Variants in SP110 observed in about 807,000 individuals in gnomAD.
SP110 encodes SP110 nuclear body protein.
In SP110, 62 loss-of-function variants were observed where a neutral mutation model predicts 92.7. That is an observed-to-expected ratio of 0.67 (90% confidence interval 0.55 to 0.83). The LOEUF is 0.83. Among genes scored for constraint, SP110 ranks in the 40% least tolerant of loss-of-function variants. The pLI is 0.00. For missense variants in SP110, 793 were observed against 863.9 expected (o/e 0.92, Z 1.03); for synonymous variants, 273 against 305.3 (o/e 0.89, Z 1.10).
In SP110 at chr2:230,216,770, A is replaced by G; in HGVS notation, c.147+11T>C. 1 of 1,613,756 alleles carries G rather than the reference A, an allele frequency of 6.2e-7. No homozygotes were observed. The highest frequency in any genetic ancestry group is 8.5e-7 in the Non-Finnish European group (1 of 1,179,834). On this transcript the variant is annotated intron_variant, in intron 2 of 18. Transcript: ENST00000258381. ...GGCTGGGCTGCCATGGAAGGGTTCA[A>G]CATGACTCACCATGTACATTCTCTT...
At chr2:230,179,337 T>TG (rs372569186) in intron 12 of SP110, among the ~76,000 whole-genome samples, 7 of 151,452 alleles carry the variant, frequency 4.6e-5, no homozygotes, top group African/African-American at 1.2e-4. Context: ...TGGAGGGTAG[T>TG]GGGGGTGTGG....
In SP110 at chr2:230,212,913, G is replaced by T. The variant is rs151199258; in HGVS notation, c.431C>A (p.Pro144His). The T allele has an allele frequency of 2.6e-5, 42 of 1,614,086 alleles. No homozygotes were observed. The African/African-American group carries it at 4.9e-4, about 19-fold the overall frequency. Residue 144 changes from proline (P) to histidine (H), a missense_variant, in exon 4 of 19, where the codon CCC becomes CAC. Physicochemically the swap from Pro to His is moderately conservative, Grantham distance 77. Coordinates refer to ENST00000258381, the MANE Select transcript of SP110 (RefSeq NM_080424.4). The part of the protein sequence containing the change: ...HTPLALPPPQ[P>H]PQPSCSPCAP... ...ACAGGGTGAACAGCTTGGTTGAGGG[G>T]GTTGTGGTGGGGGCAGCGCCAGTGG... is the stretch of plus-strand genomic sequence containing the variant.
At chr2:230,189,917 C>T (rs1417959803) in intron 10 of SP110, among the ~76,000 whole-genome samples, 1 of 152,160 alleles carries the variant, frequency 6.6e-6, no homozygotes, top group Non-Finnish European at 1.5e-5. Context: ...TGTATATGTA[C>T]CACATATTCT....
At chr2:230,213,405 T>C (rs2044717816) in intron 3 of SP110, among the ~76,000 whole-genome samples, 1 of 152,220 alleles carries the variant, frequency 6.6e-6, no homozygotes, top group Admixed American at 6.5e-5. Context: ...AATAAACAGA[T>C]CATACTTCCC....
At chr2:230,221,767 G>T, upstream of SP110, 1 of 1,529,192 alleles carries the variant, frequency 6.5e-7, no homozygotes, top group South Asian at 1.2e-5. Context: ...CTGGCAGCAA[G>T]AACTTCTTCC....
chr2:230,180,250 G>A (rs1051222364), intron 12 of SP110, among the ~76,000 whole-genome samples: 2 of 152,172 alleles, frequency 1.3e-5, no homozygotes, highest in Admixed American at 6.5e-5. Flanking sequence ...AAGCCTAATC[G>A]AGATGAGGAA....
chr2:230,172,473 T>A, intron 15 of SP110: 1 of 544,836 alleles, frequency 1.8e-6, no homozygotes, highest in Non-Finnish European at 3.3e-6. Context: ...AGTGTCAGAA[T>A]CTGGGCTTTC....
At chr2:230,224,368 G>A (rs1396729695), upstream of SP110, among the ~76,000 whole-genome samples, 1 of 151,390 alleles carries the variant, frequency 6.6e-6, no homozygotes, top group Non-Finnish European at 1.5e-5. Context: ...ATGGAGACTG[G>A]GAGGAGAGGA....
At position 230,177,683 on chromosome 2, in the gene SP110, G is replaced by A. The variant is rs2041928126; in HGVS notation, c.1448-3C>T. On this transcript the variant is annotated splice_polypyrimidine_tract_variant and splice_region_variant and intron_variant, in intron 13 of 18. Transcript: ENST00000258381. ...CCGAATGCACTTCACTGAGGATCCT[G>A]TAAGAAAAAGCCCATTCTTGGATCT... The A allele has an allele frequency of 6.2e-7, 1 of 1,613,812 alleles. No homozygotes were observed. Among genetic ancestry groups the A allele is most frequent in the Non-Finnish European group, 8.5e-7 (1 of 1,179,924 alleles).
At chr2:230,216,967 T>C (rs1242591755) in intron 1 of SP110, 39 bp from the exon 2 acceptor site, 1 of 1,587,646 alleles carries the variant, frequency 6.3e-7, no homozygotes, top group Non-Finnish European at 8.6e-7. Flanking sequence ...AAGCAAAGGC[T>C]GGGCGCGGTG....
At chr2:230,177,486 T>G (rs1470901939) in intron 14 of SP110, 52 bp downstream of exon 14, 1 of 1,585,506 alleles carries the variant, frequency 6.3e-7, no homozygotes, top group East Asian at 2.2e-5. Context: ...AAAGCTCCAC[T>G]TCTCCTTCAA....
At position 230,212,955 on chromosome 2, in the gene SP110, C is replaced by A. The variant is rs773499847; in HGVS notation, c.389G>T (p.Gly130Val). 6.2e-7 allele frequency: 1 copy of A among 1,614,052 alleles called. No individual in the cohort carries two copies. The highest frequency in any genetic ancestry group is 1.1e-5 in the South Asian group (1 of 91,082). The part of the protein sequence containing the change: ...LLEAPTGLAE[G>V]SSLHTPLALP... ...CGCCAGTGGGGTATGGAGGGAGCTT[C>A]CTTCTGCTAGGCCAGTTGGGGCTTC... The change falls in exon 4 of 19, where the codon GGA becomes GTA. Residue 130 changes from glycine to valine, a missense_variant. Transcript: ENST00000258381.
At position 230,167,998 on chromosome 2, in the gene SP110, T is replaced by C. The variant is rs867635920; in HGVS notation, c.*1126A>G. On this transcript the variant is annotated 3_prime_UTR_variant, in exon 19 of 19. Transcript: ENST00000258381. ...ACTTGCACATGCCTGTAATCCCAGC[T>C]ACTCGGAGGCTGAGGCAGGAGAATC... 4 of 150,196 alleles carry C rather than the reference T, an allele frequency of 2.7e-5. No individual in the cohort carries two copies. The highest frequency in any genetic ancestry group is 4.9e-5 in the African/African-American group (2 of 40,718). 9.3% of individuals were successfully genotyped at this position (150,196 alleles called of 1,614,324 possible). A position where few individuals can be genotyped will look rare whatever the true frequency, so the allele number is the denominator to read the frequency against.
In SP110 at chr2:230,197,175, C is replaced by T. The variant is rs368303483; in HGVS notation, c.1129+3710G>A. On this transcript the variant is annotated intron_variant, in intron 10 of 18. Transcript: ENST00000258381. The stretch of plus-strand genomic sequence containing the variant: ...GTCCCACCAACAGTGTAAAAGTGTT[C>T]CTATTTCTCCACATCCTCTCCAGCA... 3.4e-4 allele frequency among the ~76,000 whole-genome samples: 52 copies of T among 152,086 alleles called. No individual in the cohort carries two copies. In the East Asian group the frequency reaches 8.9e-3, roughly 26 times the overall value.
chr2:230,185,286 G>A (rs1462781233), intron 11 of SP110, among the ~76,000 whole-genome samples: 2 of 152,144 alleles, frequency 1.3e-5, no homozygotes, highest in Non-Finnish European at 2.9e-5. Context: ...TTATCACATG[G>A]GCATTCCTGA....
intron 11 of SP110, among the ~76,000 whole-genome samples, chr2:230,184,900 A>C (rs980393251): frequency 6.6e-6 from 1 of 152,256 alleles, no homozygotes; most frequent in African/African-American, 2.4e-5. Context: ...CTAAGGGCCA[A>C]ATTGGCCTAC....
At chr2:230,202,843 T>G in intron 8 of SP110, 115 bp from the exon 9 acceptor site, 1 of 909,718 alleles carries the variant, frequency 1.1e-6, no homozygotes, top group Non-Finnish European at 1.8e-6. Context: ...TTCAGATCTC[T>G]GTACCCCTGT....
chr2:230,170,962 G>C, intron 17 of SP110: 1 of 628,350 alleles, frequency 1.6e-6, no homozygotes, highest in Non-Finnish European at 2.8e-6. Context: ...ACATTTATGG[G>C]TACCATAAAT....
intron 7 of SP110, 149 bp from the exon 8 acceptor site, chr2:230,208,208 G>A (rs972614608): frequency 2.1e-5 from 13 of 615,544 alleles, no homozygotes; most frequent in Admixed American, 8.6e-5. Context: ...GGGAGTAATA[G>A]GGGAAGAAGG....
Sources: gnomAD v4.1 joint callset for allele counts (sites outside exome capture counted in the v4.1 genomes callset) on GRCh38, gnomAD v4.1.1 for gene constraint, MANE v1.5 for transcripts, NCBI Gene and HGNC (gene_info 2026-07-23, HGNC 2026-07-21) for gene names.